The following MDGA2 variants were observed in gnomAD, a reference collection of about 807,000 sequenced individuals.
The protein encoded by MDGA2 is MAM domain containing glycosylphosphatidylinositol anchor 2.
A neutral mutation model predicts 117.8 loss-of-function variants in MDGA2; 40 were observed. That is an observed-to-expected ratio of 0.34 (90% CI 0.26 to 0.44). The LOEUF (loss-of-function observed/expected upper bound fraction) is 0.44. Ranked by LOEUF, MDGA2 falls within the 20% of genes least tolerant of loss-of-function variation. The pLI, the probability that MDGA2 is intolerant of heterozygous loss-of-function variation, is 1.00. For missense variants in MDGA2, 1,123 were observed against 1,250.6 expected (o/e 0.90, Z 1.54); for synonymous variants, 452 against 439.0 (o/e 1.03, Z -0.37).
intron 1 of MDGA2, among the ~76,000 whole-genome samples, chr14:47,374,578 C>T (rs139468937): frequency 3.9e-5 from 6 of 152,080 alleles, no homozygotes; most frequent in Non-Finnish European, 5.9e-5. Context: ...GTTTGCCAAA[C>T]GCTGTTGTCA....
At chr14:47,204,209 C>A (rs145726694) in intron 3 of MDGA2, among the ~76,000 whole-genome samples, 1 of 151,926 alleles carries the variant, frequency 6.6e-6, no homozygotes, top group Non-Finnish European at 1.5e-5. Flanking sequence ...TGTCTTAGAA[C>A]AACACTACAT....
chr14:46,854,973 T>G, intron 15 of MDGA2, 51 bp downstream of exon 15: 1 of 1,460,434 alleles, frequency 6.8e-7, no homozygotes. Flanking sequence ...GATCCACCTT[T>G]AATATTATGC....
chr14:47,115,279 A>G (rs1881266449), intron 5 of MDGA2, among the ~76,000 whole-genome samples: 1 of 152,006 alleles, frequency 6.6e-6, no homozygotes. Flanking sequence ...ACTGTGTCAT[A>G]TATACTTCAA....
intron 1 of MDGA2, among the ~76,000 whole-genome samples, chr14:47,420,274 A>G (rs958129658): frequency 9.9e-5 from 15 of 152,168 alleles, no homozygotes; most frequent in African/African-American, 3.6e-4. Flanking sequence ...CTGGCATAGT[A>G]ACACACTCAC....
intron 3 of MDGA2, among the ~76,000 whole-genome samples, chr14:47,166,629 A>T (rs904300673): frequency 6.6e-6 from 1 of 152,208 alleles, no homozygotes; most frequent in African/African-American, 2.4e-5. Flanking sequence ...TACAACCAAG[A>T]GAGAACTTTA....
chr14:47,201,647 T>A (rs1345846305), intron 3 of MDGA2, among the ~76,000 whole-genome samples: 1 of 152,236 alleles, frequency 6.6e-6, no homozygotes, highest in Non-Finnish European at 1.5e-5. Flanking sequence ...TTTTAGTGTC[T>A]CAAAATGGAC....
intron 8 of MDGA2, among the ~76,000 whole-genome samples, chr14:46,982,705 CAAAAAAAAAAAAAAAA>C (rs59530070): frequency 4.4e-5 from 2 of 45,910 alleles, no homozygotes; most frequent in East Asian, 2.0e-3. Flanking sequence ...GAGACTCCAT[CAAAAAAAAAAAAAAAA>C]AAAAAAAAAA....
At chr14:47,264,515 T>C (rs1416035599) in intron 2 of MDGA2, among the ~76,000 whole-genome samples, 2 of 152,080 alleles carry the variant, frequency 1.3e-5, no homozygotes, top group African/African-American at 2.4e-5. Flanking sequence ...CTGAACTAAG[T>C]TTTCTACATT....
At chr14:47,491,559 T>A (rs1325392173) in intron 1 of MDGA2, among the ~76,000 whole-genome samples, 1 of 152,180 alleles carries the variant, frequency 6.6e-6, no homozygotes, top group Non-Finnish European at 1.5e-5. Context: ...AGCCAAAGTA[T>A]GCAGAACTCA....
intron 1 of MDGA2, among the ~76,000 whole-genome samples, chr14:47,382,306 T>C (rs1253633662): frequency 2.0e-5 from 3 of 152,300 alleles, no homozygotes; most frequent in South Asian, 2.1e-4. Flanking sequence ...AAGTGCTTCA[T>C]GACTAAAACA....
rs577013124 is a variant in MDGA2, at chr14:47,560,027, G to A, written c.280+114490C>T. ...TTACACTTCTGCCAACAGTGAATAA[G>A]TGTTCCCTTTTCTCTGCAACCTCAC... On this transcript the variant is annotated intron_variant, in intron 1 of 16. Transcript: ENST00000399232. 2.6e-3 allele frequency among the ~76,000 whole-genome samples: 395 copies of A among 152,010 alleles called. 2 individuals are homozygous for A. Among genetic ancestry groups the A allele is most frequent in the African/African-American group, 9.3e-3 (384 of 41,484 alleles).
chr14:46,959,195 A>C (rs1885683087), intron 8 of MDGA2, among the ~76,000 whole-genome samples: 1 of 149,904 alleles, frequency 6.7e-6, no homozygotes, highest in African/African-American at 2.5e-5. Context: ...GTTGTCCATG[A>C]GTTGAATATT....
intron 6 of MDGA2, among the ~76,000 whole-genome samples, chr14:47,067,272 G>A (rs1485729019): frequency 6.6e-6 from 1 of 152,168 alleles, no homozygotes; most frequent in Non-Finnish European, 1.5e-5. Context: ...CATCTACCAA[G>A]GGGGAACATC....
intron 7 of MDGA2, among the ~76,000 whole-genome samples, chr14:47,058,251 G>A (rs565012591): frequency 6.6e-6 from 1 of 152,154 alleles, no homozygotes; most frequent in South Asian, 2.1e-4. Context: ...AAAACAAAAA[G>A]CTCAGAAATT....
At chr14:47,115,775 G>A (rs1330294902) in intron 5 of MDGA2, among the ~76,000 whole-genome samples, 1 of 151,926 alleles carries the variant, frequency 6.6e-6, no homozygotes. Context: ...GGAATGGTAG[G>A]AAATTACCTT....
intron 1 of MDGA2, among the ~76,000 whole-genome samples, chr14:47,388,038 A>G (rs375492232): frequency 5.3e-5 from 8 of 152,330 alleles, no homozygotes; most frequent in African/African-American, 1.9e-4. Flanking sequence ...ATCACAGACG[A>G]AAATGATGAC....
chr14:47,034,746 A>G (rs1191870529), intron 8 of MDGA2, among the ~76,000 whole-genome samples: 1 of 151,638 alleles, frequency 6.6e-6, no homozygotes, highest in East Asian at 1.9e-4. Flanking sequence ...ACACACACAC[A>G]CACACACACA....
At chr14:47,424,127 A>G (rs1892636873) in intron 1 of MDGA2, among the ~76,000 whole-genome samples, 1 of 152,112 alleles carries the variant, frequency 6.6e-6, no homozygotes, top group East Asian at 1.9e-4. Flanking sequence ...TCCTCATTTA[A>G]TTTTTAAGAG....
chr14:47,061,084 CAG>C (rs1196233879), intron 7 of MDGA2, among the ~76,000 whole-genome samples, 163 bp downstream of exon 7: 6 of 151,888 alleles, frequency 4.0e-5, no homozygotes, highest in Admixed American at 2.6e-4. Context: ...ACTGATAAAA[CAG>C]TGTTTCAGAA....
Sources: gnomAD v4.1 joint callset for allele counts (sites outside exome capture counted in the v4.1 genomes callset) on GRCh38, gnomAD v4.1.1 for gene constraint, MANE v1.5 for transcripts, NCBI Gene and HGNC (gene_info 2026-07-23, HGNC 2026-07-21) for gene names.